Variants in PAPPA2 observed in about 807,000 individuals in gnomAD.
PAPPA2 encodes pappalysin-2.
PAPPA2 carries 86 observed loss-of-function variants against 176.4 expected under a neutral mutation model. That is an observed-to-expected ratio of 0.49 (90% CI 0.41 to 0.58). The LOEUF (loss-of-function observed/expected upper bound fraction) is 0.58, where lower values mean the gene tolerates loss of function less well. Among genes scored for constraint, PAPPA2 ranks in the 20% least tolerant of loss-of-function variants. PAPPA2 has a pLI of 0.00. For synonymous variants in PAPPA2, 809 were observed against 852.2 expected (o/e 0.95, Z 0.88); for missense variants, 2,073 against 2,256.9 (o/e 0.92, Z 1.65).
At chr1:176,598,301 A>G (rs1372505260) in intron 3 of PAPPA2, among the ~76,000 whole-genome samples, 1 of 151,986 alleles carries the variant, frequency 6.6e-6, no homozygotes, top group Non-Finnish European at 1.5e-5. Context: ...GTACACCTCC[A>G]AATATTATAT....
intron 1 of PAPPA2, among the ~76,000 whole-genome samples, chr1:176,539,722 C>T (rs1430597216): frequency 6.6e-6 from 1 of 152,148 alleles, no homozygotes; most frequent in African/African-American, 2.4e-5. Context: ...CACTCTTCCT[C>T]CTGGGCCAGC....
At chr1:176,840,325 G>A in intron 22 of PAPPA2, 54 bp downstream of exon 22, 2 of 1,399,388 alleles carry the variant, frequency 1.4e-6, no homozygotes, top group Non-Finnish European at 2.0e-6. Flanking sequence ...AATAAAGGCA[G>A]GGTCTTCAGC....
At chr1:176,515,005 A>G (rs886779349) in intron 1 of PAPPA2, among the ~76,000 whole-genome samples, 2 of 152,200 alleles carry the variant, frequency 1.3e-5, no homozygotes, top group African/African-American at 4.8e-5. Context: ...CTGGAGTCCA[A>G]ATACCTTGCT....
chr1:176,674,196 C>T (rs1180423722), intron 4 of PAPPA2, among the ~76,000 whole-genome samples: 1 of 152,038 alleles, frequency 6.6e-6, no homozygotes, highest in Non-Finnish European at 1.5e-5. Flanking sequence ...CTGAGACACC[C>T]TCTGTGCAAG....
chr1:176,505,900 T>TA (rs1222326046), intron 1 of PAPPA2, among the ~76,000 whole-genome samples: 3 of 151,872 alleles, frequency 2.0e-5, no homozygotes, highest in African/African-American at 4.8e-5. Flanking sequence ...ACAAGACCAG[T>TA]AAAAAAATGA....
chr1:176,496,017 T>C (rs1409457660), intron 1 of PAPPA2, among the ~76,000 whole-genome samples: 1 of 152,208 alleles, frequency 6.6e-6, no homozygotes, highest in African/African-American at 2.4e-5. Context: ...CTAATGTTTC[T>C]GTAGTCACTG....
At chr1:176,634,511 G>A (rs777716577) in intron 3 of PAPPA2, among the ~76,000 whole-genome samples, 1 of 151,980 alleles carries the variant, frequency 6.6e-6, no homozygotes, top group Non-Finnish European at 1.5e-5. Flanking sequence ...AATGGGTGCA[G>A]CACACCAACA....
chr1:176,655,200 T>C (rs1030846201), intron 3 of PAPPA2, among the ~76,000 whole-genome samples: 3 of 151,890 alleles, frequency 2.0e-5, no homozygotes, highest in Admixed American at 2.0e-4. Flanking sequence ...TAATGTTGGC[T>C]GTGGTTTTGT....
chr1:176,596,345 G>A lies in PAPPA2; in HGVS notation c.1991+750G>A, dbSNP rs558344995. 4.6e-5 allele frequency among the ~76,000 whole-genome samples: 7 copies of A among 151,986 alleles called. No individual in the cohort carries two copies. In the South Asian group the frequency reaches 6.2e-4, roughly 14 times the overall value. ...ATCACCACCTATATAGCACAGCCTC[G>A]CTGACTTGATTCTGTTCCATTGAAC... On this transcript the variant is annotated intron_variant, in intron 3 of 22. Coordinates refer to ENST00000367662, the MANE Select transcript of PAPPA2 (RefSeq NM_020318.3).
rs532490199 is a variant in PAPPA2, at chr1:176,652,794, C to A, written c.1992-18176C>A. Among the ~76,000 whole-genome samples, 4 of 151,708 alleles carry A rather than the reference C, an allele frequency of 2.6e-5. No individual in the cohort carries two copies. The South Asian group carries it at 8.3e-4, about 32-fold the overall frequency. On this transcript the variant is annotated intron_variant, in intron 3 of 22. Coordinates refer to ENST00000367662, the MANE Select transcript of PAPPA2 (RefSeq NM_020318.3). ...TTGTCCACCTTGATCTTAATTTTTCCAGTGTAGAAACCATGAGTTAGGGGA... is the reference window on the plus strand; with the variant it reads ...TTGTCCACCTTGATCTTAATTTTTCAAGTGTAGAAACCATGAGTTAGGGGA...
chr1:176,540,940 A>AT (rs1229197130), intron 1 of PAPPA2, among the ~76,000 whole-genome samples: 1 of 151,992 alleles, frequency 6.6e-6, no homozygotes, highest in Non-Finnish European at 1.5e-5. Flanking sequence ...TGTAACCAAC[A>AT]TTTTTCAGTG....
intron 3 of PAPPA2, among the ~76,000 whole-genome samples, chr1:176,657,446 A>G (rs563738361): frequency 6.6e-6 from 1 of 152,108 alleles, no homozygotes; most frequent in South Asian, 2.1e-4. Context: ...ACATGATTAG[A>G]TCTGCCATTT....
chr1:176,619,242 T>G (rs1346454174), intron 3 of PAPPA2, among the ~76,000 whole-genome samples: 1 of 152,222 alleles, frequency 6.6e-6, no homozygotes, highest in Non-Finnish European at 1.5e-5. Flanking sequence ...TGCCTTAGAG[T>G]TAAACAGATT....
intron 17 of PAPPA2, among the ~76,000 whole-genome samples, chr1:176,771,648 T>C (rs1013730887): frequency 2.0e-5 from 3 of 152,200 alleles, no homozygotes; most frequent in Non-Finnish European, 2.9e-5. Flanking sequence ...ATTATATCAA[T>C]CAAACATAAA....
chr1:176,708,559 A>AGAGAGAGAGAGAGAG (rs3979555), intron 10 of PAPPA2, among the ~76,000 whole-genome samples: 1 of 150,918 alleles, frequency 6.6e-6, no homozygotes, highest in Non-Finnish European at 1.5e-5. Context: ...AGAGAGAGAG[A>AGAGAGAGAGAGAGAG]ATCATCATGG....
chr1:176,840,758 C>A (rs987176983), intron 22 of PAPPA2, among the ~76,000 whole-genome samples: 1 of 152,118 alleles, frequency 6.6e-6, no homozygotes, highest in African/African-American at 2.4e-5. Context: ...CTTTCTAATG[C>A]CCTTTATCCC....
Position 176,595,881 on chromosome 1 carries a change from G to C in PAPPA2, c.1991+286G>C, listed in dbSNP as rs114391319. Among the ~76,000 whole-genome samples the C allele has an allele frequency of 5.5e-3, 837 of 152,224 alleles. 2 individuals are homozygous for C. Among genetic ancestry groups the C allele is most frequent in the Admixed American group, 8.1e-3 (124 of 15,292 alleles). ...CAAAAGCATATGCACCAGGTACTTG[G>C]GACACAGGAAAGCTGAACAACTTAC... On this transcript the variant is annotated intron_variant, in intron 3 of 22. Coordinates refer to ENST00000367662, the MANE Select transcript of PAPPA2 (RefSeq NM_020318.3).
intron 2 of PAPPA2, among the ~76,000 whole-genome samples, chr1:176,580,168 C>A (rs1224799969): frequency 6.6e-6 from 1 of 152,144 alleles, no homozygotes; most frequent in Non-Finnish European, 1.5e-5. Context: ...CCTCTTCCTG[C>A]TACACTTCCA....
chr1:176,838,536 A>C (rs1200110367), intron 21 of PAPPA2, among the ~76,000 whole-genome samples: 2 of 152,198 alleles, frequency 1.3e-5, no homozygotes, highest in Non-Finnish European at 1.5e-5. Flanking sequence ...GAAACTCCGT[A>C]GATGTATCCA....
Sources: gnomAD v4.1 joint callset for allele counts (sites outside exome capture counted in the v4.1 genomes callset) on GRCh38, gnomAD v4.1.1 for gene constraint, MANE v1.5 for transcripts, NCBI Gene and HGNC (gene_info 2026-07-23, HGNC 2026-07-21) for gene names.